ZC3H12B: variants seen among roughly 807,000 people sequenced by gnomAD.
ZC3H12B encodes probable ribonuclease ZC3H12B.
In ZC3H12B, 7 loss-of-function variants were observed where a neutral mutation model predicts 43.9. The ratio of observed to expected loss-of-function variants is 0.16; its 90% CI spans 0.09 to 0.30. The LOEUF is 0.30. Ranked by LOEUF, ZC3H12B falls within the 10% of genes least tolerant of loss-of-function variation. The probability of loss-of-function intolerance (pLI) is 1.00; values close to 1 mark genes in which losing one functional copy is unlikely to be tolerated. For synonymous variants in ZC3H12B, 222 were observed against 241.7 expected (o/e 0.92, Z 0.76); for missense variants, 475 against 670.2 (o/e 0.71, Z 3.22).
the ZC3H12B span, among the ~76,000 whole-genome samples, chrX:65,328,898 A>C: frequency 6.4e-5 from 7 of 109,928 alleles, no homozygotes; most frequent in African/African-American, 2.0e-4. Context: ...TTATGGCTAC[A>C]TAGTATTCCA....
At chrX:65,054,157 G>T in the ZC3H12B span, among the ~76,000 whole-genome samples, 1 of 111,626 alleles carries the variant, frequency 9.0e-6, no homozygotes, top group Admixed American at 9.4e-5. Context: ...CATTGCTTTT[G>T]GTGTTTTAGA....
chrX:65,373,506 G>A lies in ZC3H12B; in HGVS notation n.295+4508G>A, dbSNP rs186424575. Reference sequence around the variant, plus strand: ...GGAACCAAACCAAATGTCCATCAGTGATAGACTGGATTAAGAAAATGTGGC... The same window carrying A: ...GGAACCAAACCAAATGTCCATCAGTAATAGACTGGATTAAGAAAATGTGGC... On this transcript the variant is annotated intron_variant and non_coding_transcript_variant, in intron 2 of 5. Coordinates refer to the ZC3H12B transcript ENST00000617377. 9.9e-5 allele frequency among the ~76,000 whole-genome samples: 11 copies of A among 110,814 alleles called. No homozygotes were observed. The East Asian group carries it at 3.1e-3, about 32-fold the overall frequency.
chrX:65,318,308 G>A, the ZC3H12B span, among the ~76,000 whole-genome samples: 1 of 109,333 alleles, frequency 9.1e-6, no homozygotes, highest in Non-Finnish European at 1.9e-5. Context: ...ATATTTGCTG[G>A]CCGTTTGTAT....
chrX:65,106,637 G>T, the ZC3H12B span, among the ~76,000 whole-genome samples: 2 of 111,086 alleles, frequency 1.8e-5, no homozygotes, highest in Non-Finnish European at 3.8e-5. Flanking sequence ...TAAGAAGAAA[G>T]GGAAGGAGGT....
At chrX:65,354,812 G>T in the ZC3H12B span, among the ~76,000 whole-genome samples, 2 of 111,807 alleles carry the variant, frequency 1.8e-5, no homozygotes, top group Non-Finnish European at 3.8e-5. Context: ...ATTTCATAAA[G>T]CATTCACATA....
chrX:65,251,920 C>T, the ZC3H12B span, among the ~76,000 whole-genome samples: 2 of 111,107 alleles, frequency 1.8e-5, no homozygotes, highest in African/African-American at 3.3e-5. Context: ...AATTGAATAC[C>T]CTTTATTACT....
the ZC3H12B span, among the ~76,000 whole-genome samples, chrX:65,250,546 C>T: frequency 8.9e-6 from 1 of 111,895 alleles, no homozygotes; most frequent in Non-Finnish European, 1.9e-5. Flanking sequence ...AGTTTACAGT[C>T]CTACCAATGG....
At chrX:65,099,765 G>T in the ZC3H12B span, among the ~76,000 whole-genome samples, 1 of 111,473 alleles carries the variant, frequency 9.0e-6, no homozygotes, top group African/African-American at 3.3e-5. Context: ...ATAAATCCAT[G>T]AAGATGAGGA....
chrX:65,255,879 G>C, the ZC3H12B span, among the ~76,000 whole-genome samples: 3 of 111,883 alleles, frequency 2.7e-5, no homozygotes, highest in African/African-American at 9.7e-5. Flanking sequence ...AAAATCAGGG[G>C]TTGCTATTCT....
chrX:65,396,797 T>C (rs1421841337), intron 2 of ZC3H12B, among the ~76,000 whole-genome samples: 1 of 110,947 alleles, frequency 9.0e-6, no homozygotes, highest in African/African-American at 3.3e-5. Context: ...ATATTTACAG[T>C]GGGGTGTTAA....
the ZC3H12B span, among the ~76,000 whole-genome samples, chrX:65,206,068 A>G: frequency 8.9e-6 from 1 of 112,422 alleles, no homozygotes; most frequent in Non-Finnish European, 1.9e-5. Context: ...ATCAATGTTG[A>G]GAAAATAACC....
intron 3 of ZC3H12B, among the ~76,000 whole-genome samples, chrX:65,441,211 A>G (rs750244180): frequency 8.9e-6 from 1 of 111,850 alleles, no homozygotes; most frequent in African/African-American, 3.2e-5. Context: ...AGAAGTTATA[A>G]TTGGTTGAAT....
intron 3 of ZC3H12B, among the ~76,000 whole-genome samples, chrX:65,416,630 A>G (rs1440160202): frequency 9.2e-6 from 1 of 108,938 alleles, no homozygotes; most frequent in African/African-American, 3.4e-5. Flanking sequence ...AAATACAAAA[A>G]AAAAAAAAAA....
chrX:65,281,327 C>T, the ZC3H12B span, among the ~76,000 whole-genome samples: 3 of 108,775 alleles, frequency 2.8e-5, no homozygotes, highest in African/African-American at 1.0e-4. Flanking sequence ...CTCCGCCTCC[C>T]AGGTTCAAGC....
intron 3 of ZC3H12B, among the ~76,000 whole-genome samples, chrX:65,476,947 G>T (rs4357440): frequency 7.6e-5 from 8 of 105,840 alleles, no homozygotes; most frequent in Non-Finnish European, 1.3e-4. Context: ...TAAGCCTCCC[G>T]AGTAGCTGGG....
At chrX:65,297,237 C>G in the ZC3H12B span, among the ~76,000 whole-genome samples, 2 of 110,500 alleles carry the variant, frequency 1.8e-5, no homozygotes, top group Non-Finnish European at 3.8e-5. Context: ...ATAATCATAT[C>G]TTTAGAAGAC....
the ZC3H12B span, among the ~76,000 whole-genome samples, chrX:65,234,880 C>T: frequency 9.0e-6 from 1 of 111,449 alleles, no homozygotes; most frequent in Non-Finnish European, 1.9e-5. Flanking sequence ...CCCAGTGTGT[C>T]TTGTTTCCTC....
the ZC3H12B span, among the ~76,000 whole-genome samples, chrX:65,360,194 A>T: frequency 8.9e-6 from 1 of 112,583 alleles, no homozygotes; most frequent in Non-Finnish European, 1.9e-5. Flanking sequence ...AAACTAAAAA[A>T]TCATGTGAGT....
the ZC3H12B span, among the ~76,000 whole-genome samples, chrX:65,108,083 T>C: frequency 4.5e-5 from 5 of 111,276 alleles, no homozygotes; most frequent in South Asian, 3.8e-4. Flanking sequence ...TTGACACTTA[T>C]GGTGAATGGA....
Sources: gnomAD v4.1 joint callset for allele counts (sites outside exome capture counted in the v4.1 genomes callset) on GRCh38, gnomAD v4.1.1 for gene constraint, MANE v1.5 for transcripts, NCBI Gene and HGNC (gene_info 2026-07-23, HGNC 2026-07-21) for gene names.